Variants in GALNT13 observed in about 807,000 individuals in gnomAD.
The protein encoded by GALNT13 is UDP-GalNAc:polypeptide N-acetylgalactosaminyltransferase 13.
Under a neutral mutation model 64.2 loss-of-function variants are expected in GALNT13, and 28 were observed. The ratio of observed to expected loss-of-function variants is 0.44; its 90% CI spans 0.32 to 0.60. GALNT13 has a LOEUF of 0.60. Among genes scored for constraint, GALNT13 ranks in the 20% least tolerant of loss-of-function variants. The pLI, the probability that GALNT13 is intolerant of heterozygous loss-of-function variation, is 0.05. For synonymous variants in GALNT13, 214 were observed against 224.6 expected (o/e 0.95, Z 0.42); for missense variants, 577 against 669.8 (o/e 0.86, Z 1.53).
chr2:154,202,662 T>A (rs1294096051), intron 4 of GALNT13, among the ~76,000 whole-genome samples: 2 of 152,100 alleles, frequency 1.3e-5, no homozygotes, highest in Non-Finnish European at 2.9e-5. Context: ...TATTTATTAA[T>A]CTCCCATCTT....
chr2:153,319,750 C>A, the GALNT13 span, among the ~76,000 whole-genome samples: 1 of 152,138 alleles, frequency 6.6e-6, no homozygotes, highest in Non-Finnish European at 1.5e-5. Flanking sequence ...TTTTGACCTG[C>A]TGACCTATAG....
At chr2:153,692,128 G>A in the GALNT13 span, among the ~76,000 whole-genome samples, 19 of 152,040 alleles carry the variant, frequency 1.2e-4, no homozygotes, top group Admixed American at 1.2e-3. Context: ...AATGAAACAA[G>A]CACAAAGAAG....
the GALNT13 span, among the ~76,000 whole-genome samples, chr2:153,439,913 C>T: frequency 3.5e-3 from 526 of 152,312 alleles, 2 homozygotes; most frequent in African/African-American, 0.012. Flanking sequence ...GTGTCGCTCA[C>T]GCTGGGAGCT....
intron 3 of GALNT13, among the ~76,000 whole-genome samples, chr2:154,116,079 A>T (rs1456814252): frequency 1.3e-5 from 2 of 152,126 alleles, no homozygotes; most frequent in Non-Finnish European, 2.9e-5. Flanking sequence ...GGAGGCCATG[A>T]CTGTTGCCTC....
intron 11 of GALNT13, chr2:154,437,655 G>T (rs1186987935): frequency 1.9e-6 from 1 of 531,004 alleles, no homozygotes; most frequent in Non-Finnish European, 3.3e-6. Flanking sequence ...GGGAGATTGA[G>T]ACCATCCTGG....
At chr2:154,350,172 T>C (rs185992039) in intron 9 of GALNT13, among the ~76,000 whole-genome samples, 33 of 152,308 alleles carry the variant, frequency 2.2e-4, no homozygotes, top group African/African-American at 7.5e-4. Context: ...GTCAACTTGA[T>C]TGGATTGAAG....
chr2:154,002,223 A>G (rs186757238), intron 3 of GALNT13, among the ~76,000 whole-genome samples: 38 of 152,182 alleles, frequency 2.5e-4, no homozygotes, highest in African/African-American at 8.9e-4. Flanking sequence ...CCATATTTGG[A>G]AAGTTTTCAG....
chr2:153,915,207 G>A (rs544776485), intron 2 of GALNT13, among the ~76,000 whole-genome samples: 53 of 152,106 alleles, frequency 3.5e-4, no homozygotes, highest in African/African-American at 1.3e-3. Context: ...TCTTTTCCAG[G>A]GTGTTGGGAA....
chr2:153,580,359 G>C, the GALNT13 span, among the ~76,000 whole-genome samples: 1 of 151,002 alleles, frequency 6.6e-6, no homozygotes, highest in East Asian at 1.9e-4. Flanking sequence ...AAAAAAAAAA[G>C]TGATGCTAAG....
chr2:154,166,729 G>A (rs578188603), intron 4 of GALNT13, among the ~76,000 whole-genome samples: 75 of 152,244 alleles, frequency 4.9e-4, no homozygotes, highest in Non-Finnish European at 9.0e-4. Context: ...AACCAACCCA[G>A]ATGTCCATCA....
the GALNT13 span, among the ~76,000 whole-genome samples, chr2:153,093,068 C>A: frequency 6.7e-6 from 1 of 150,362 alleles, no homozygotes; most frequent in Admixed American, 6.6e-5. Context: ...ATGAAGAGAT[C>A]TTGAATTTTA....
the GALNT13 span, among the ~76,000 whole-genome samples, chr2:153,325,759 G>A: frequency 6.6e-6 from 1 of 152,126 alleles, no homozygotes; most frequent in Admixed American, 6.5e-5. Context: ...TATTTACCCC[G>A]TAGTCATTCA....
intron 3 of GALNT13, among the ~76,000 whole-genome samples, chr2:154,023,607 T>C (rs1159243840): frequency 1.3e-5 from 2 of 152,206 alleles, no homozygotes; most frequent in Non-Finnish European, 2.9e-5. Context: ...TGAGATGGGC[T>C]TCCTGAATAC....
rs571347605 is a variant in GALNT13 at position 154,290,989 on chromosome 2, C to T, written c.976-10420C>T. ...TCAGGAGTGAAGCTACAGACCTTCT[C>T]GGTGAGCGTTACAGCTCATAAAGGC... On this transcript the variant is annotated intron_variant, in intron 8 of 12. Transcript: ENST00000392825. 5.9e-5 allele frequency among the ~76,000 whole-genome samples: 9 copies of T among 152,096 alleles called. No homozygotes were observed. In the South Asian group the frequency reaches 6.2e-4, roughly 11 times the overall value.
At chr2:153,257,032 C>T in the GALNT13 span, among the ~76,000 whole-genome samples, 4 of 152,222 alleles carry the variant, frequency 2.6e-5, no homozygotes, top group South Asian at 2.1e-4. Context: ...TGGGCAATGG[C>T]GGGCGCCCCT....
intron 3 of GALNT13, among the ~76,000 whole-genome samples, chr2:154,049,359 T>C (rs1699455407): frequency 6.7e-6 from 1 of 148,644 alleles, no homozygotes; most frequent in Admixed American, 6.8e-5. Context: ...ATATATGATA[T>C]ATAATTTAAA....
the GALNT13 span, among the ~76,000 whole-genome samples, chr2:153,598,657 C>T: frequency 6.6e-6 from 1 of 152,030 alleles, no homozygotes; most frequent in African/African-American, 2.4e-5. Context: ...CACAGTACTA[C>T]TGACTGAATC....
the GALNT13 span, among the ~76,000 whole-genome samples, chr2:153,678,910 C>CA: frequency 6.6e-6 from 1 of 151,886 alleles, no homozygotes. Context: ...CAGTAGGCCA[C>CA]AAAAAACAAT....
chr2:153,889,392 T>G (rs1375964192), intron 1 of GALNT13, among the ~76,000 whole-genome samples: 1 of 151,824 alleles, frequency 6.6e-6, no homozygotes, highest in Non-Finnish European at 1.5e-5. Context: ...TTAACCACCC[T>G]CAAAGCCTTC....
Sources: allele counts gnomAD v4.1 joint callset (sites outside exome capture counted in the v4.1 genomes callset), GRCh38; gene constraint gnomAD v4.1.1; transcripts MANE v1.5; gene names NCBI Gene and HGNC (gene_info 2026-07-23, HGNC 2026-07-21).